Variants in AEBP2 observed in about 807,000 individuals in gnomAD.
AEBP2 encodes the protein AE binding protein 2.
A neutral mutation model predicts 50.8 loss-of-function variants in AEBP2; 10 were observed. That is an observed-to-expected ratio of 0.20 (90% confidence interval 0.12 to 0.33). The LOEUF is 0.33. AEBP2 is among the 10% of genes least tolerant of loss of function. The pLI, the probability that AEBP2 is intolerant of heterozygous loss-of-function variation, is 1.00. For missense variants in AEBP2, 570 were observed against 688.0 expected, an observed-to-expected ratio of 0.83 and a Z score of 1.92; for synonymous variants, 296 against 261.3, an observed-to-expected ratio of 1.13 and a Z score of -1.28.
At chr12:19,484,331 C>T (rs1370765730) in intron 3 of AEBP2, among the ~76,000 whole-genome samples, 1 of 136,334 alleles carries the variant, frequency 7.3e-6, no homozygotes, top group Non-Finnish European at 1.5e-5. Context: ...TCTTGGACTT[C>T]TGGTGATCCG....
In AEBP2 at chr12:19,440,355, T is replaced by C; in HGVS notation, c.656T>C (p.Met219Thr). 6 of 1,469,172 alleles carry C rather than the reference T, an allele frequency of 4.1e-6. No individual in the cohort carries two copies. Among genetic ancestry groups the C allele is most frequent in the Non-Finnish European group, 5.4e-6 (6 of 1,117,800 alleles). The allele number at this position is 1,469,172 out of a possible 1,614,324, so 91.0% of individuals were successfully genotyped here. The stretch of plus-strand genomic sequence containing the variant: ...TCGGATGGGGAACCCCTGAGCCGCA[T>C]GGACTCGGAGGACAGGTCAGTGCTC... ...MSSDGEPLSR[M>T]DSEDSISSTI... Residue 219 changes from methionine (M) to threonine (T), a missense_variant, in exon 1 of 8, where the codon ATG (methionine) becomes ACG (threonine). Physicochemically the swap from Met to Thr is moderately conservative, Grantham distance 81 (BLOSUM62 -1). Around this residue, in one of 2 missense-constraint regions of AEBP2, gnomAD observed 386 missense variants for 336.8 expected, o/e 1.15. Coordinates refer to ENST00000266508, the MANE Select transcript of AEBP2 (RefSeq NM_153207.5).
intron 6 of AEBP2, among the ~76,000 whole-genome samples, chr12:19,513,734 A>ATTGAG (rs1458155825): frequency 6.6e-6 from 1 of 152,174 alleles, no homozygotes; most frequent in Non-Finnish European, 1.5e-5. Context: ...CTGCAACTCA[A>ATTGAG]GCTTGGGTGA....
intron 1 of AEBP2, among the ~76,000 whole-genome samples, chr12:19,417,525 G>A (rs1032288824): frequency 6.6e-6 from 1 of 151,978 alleles, no homozygotes; most frequent in Non-Finnish European, 1.5e-5. Flanking sequence ...TCCTGCCTCA[G>A]CCTCCCAGAG....
At chr12:19,484,157 C>A (rs1468954762) in intron 3 of AEBP2, among the ~76,000 whole-genome samples, 47 of 151,736 alleles carry the variant, frequency 3.1e-4, no homozygotes, top group Non-Finnish European at 8.8e-5. Context: ...GATGTGGGCT[C>A]ACTGCAACAT....
At chr12:19,501,807 T>TTTTTG (rs1172211376) in intron 5 of AEBP2, among the ~76,000 whole-genome samples, 14 of 145,502 alleles carry the variant, frequency 9.6e-5, no homozygotes, top group African/African-American at 3.5e-4. Flanking sequence ...GTTTTTTTTT[T>TTTTTG]TTTTTTTTTT....
chr12:19,512,352 A>G (rs1366252650), intron 5 of AEBP2, 46 bp from the exon 6 acceptor site: 2 of 1,306,496 alleles, frequency 1.5e-6, no homozygotes, highest in Non-Finnish European at 2.1e-6. Context: ...CATGAAAATG[A>G]TGTTTTACAC....
chr12:19,476,144 A>G (rs936247331), intron 3 of AEBP2, among the ~76,000 whole-genome samples: 2 of 152,170 alleles, frequency 1.3e-5, no homozygotes, highest in South Asian at 2.1e-4. Context: ...GCCTAAGCCA[A>G]TGTCTGGAAG....
chr12:19,430,281 G>T (rs1388254031), intron 1 of AEBP2, among the ~76,000 whole-genome samples: 1 of 152,124 alleles, frequency 6.6e-6, no homozygotes, highest in Non-Finnish European at 1.5e-5. Flanking sequence ...AGATCAGATA[G>T]TTGTAGATAT....
At chr12:19,470,893 A>G (rs1487507546) in intron 2 of AEBP2, among the ~76,000 whole-genome samples, 1 of 152,212 alleles carries the variant, frequency 6.6e-6, no homozygotes, top group Non-Finnish European at 1.5e-5. Context: ...AAGTTGTTAC[A>G]GGAATGATGT....
intron 1 of AEBP2, chr12:19,457,523 A>T (rs922193608): frequency 6.7e-7 from 1 of 1,482,434 alleles, no homozygotes; most frequent in Admixed American, 2.0e-5. Context: ...CCTCCTTCTC[A>T]ATTTTTTCAA....
At chr12:19,438,116 G>C (rs778288278), upstream of AEBP2, among the ~76,000 whole-genome samples, 10 of 152,070 alleles carry the variant, frequency 6.6e-5, no homozygotes, top group Non-Finnish European at 1.3e-4. Context: ...GCAATACCCG[G>C]TTATGCAAAA....
At chr12:19,430,980 C>G (rs1329452547) in intron 1 of AEBP2, among the ~76,000 whole-genome samples, 1 of 148,760 alleles carries the variant, frequency 6.7e-6, no homozygotes, top group African/African-American at 2.5e-5. Flanking sequence ...CCACTGCACT[C>G]CAGTCCAGGC....
At chr12:19,467,410 C>T (rs1948496567) in intron 2 of AEBP2, among the ~76,000 whole-genome samples, 1 of 152,154 alleles carries the variant, frequency 6.6e-6, no homozygotes, top group African/African-American at 2.4e-5. Flanking sequence ...GCTCCTGTGT[C>T]AGCCTCCTAA....
At chr12:19,493,356 A>T (rs1247802322) in intron 3 of AEBP2, among the ~76,000 whole-genome samples, 1 of 152,188 alleles carries the variant, frequency 6.6e-6, no homozygotes, top group African/African-American at 2.4e-5. Context: ...AGCGGAGATC[A>T]CACCACTGCA....
Position 19,466,530 on chromosome 12 carries a change from G to T in AEBP2, c.879+3813G>T, listed in dbSNP as rs1023049685. 2.0e-5 allele frequency among the ~76,000 whole-genome samples: 3 copies of T among 152,124 alleles called. No individual in the cohort carries two copies. In the South Asian group the frequency reaches 6.2e-4, roughly 32 times the overall value. On this transcript the variant is annotated intron_variant, in intron 2 of 7. Coordinates refer to ENST00000266508, the MANE Select transcript of AEBP2 (RefSeq NM_153207.5). Reference sequence around the variant, plus strand: ...TCACCTTATTGTGTAATCGCCACCCGCTCTCTGTCTCCAGAACTTGTAAAT... The same window carrying T: ...TCACCTTATTGTGTAATCGCCACCCTCTCTCTGTCTCCAGAACTTGTAAAT...
At chr12:19,436,753 G>C (rs1365711683), upstream of AEBP2, among the ~76,000 whole-genome samples, 1 of 151,682 alleles carries the variant, frequency 6.6e-6, no homozygotes, top group Non-Finnish European at 1.5e-5. Context: ...ACCACACCTG[G>C]CTAGTTAACA....
chr12:19,513,992 G>GT (rs1949278659), intron 6 of AEBP2, among the ~76,000 whole-genome samples: 1 of 111,020 alleles, frequency 9.0e-6, no homozygotes, highest in South Asian at 3.0e-4. Flanking sequence ...TTTTGTTTCT[G>GT]TTTTTTGTTT....
intron 1 of AEBP2, among the ~76,000 whole-genome samples, chr12:19,453,134 G>A (rs1348335428): frequency 1.3e-5 from 2 of 151,560 alleles, no homozygotes; most frequent in African/African-American, 2.4e-5. Context: ...AGCCCCGGAT[G>A]ATTTTTTTGT....
Position 19,464,198 on chromosome 12 carries a change from A to G in AEBP2, c.879+1481A>G, listed in dbSNP as rs1024065715. On this transcript the variant is annotated intron_variant, in intron 2 of 7. Coordinates refer to ENST00000266508, the MANE Select transcript of AEBP2 (RefSeq NM_153207.5). ...TAAAACCCAGCTCAGTGGTTGGGCTACTTTGGTAACCCAGTCTTCTCCCCC... is the reference window on the plus strand; with the variant it reads ...TAAAACCCAGCTCAGTGGTTGGGCTGCTTTGGTAACCCAGTCTTCTCCCCC... Among the ~76,000 whole-genome samples, 10 of 152,356 alleles carry G rather than the reference A, an allele frequency of 6.6e-5. No individual in the cohort carries two copies. In the East Asian group the frequency reaches 1.2e-3, roughly 18 times the overall value.
Sources: allele counts gnomAD v4.1 joint callset (sites outside exome capture counted in the v4.1 genomes callset), GRCh38; gene constraint gnomAD v4.1.1; regional missense constraint gnomAD v4.1.1; transcripts MANE v1.5; gene names NCBI Gene and HGNC (gene_info 2026-07-23, HGNC 2026-07-21).